PIBF1: variants seen among roughly 807,000 people sequenced by gnomAD.
PIBF1 encodes progesterone immunomodulatory binding factor 1, also known as progesterone-induced-blocking factor 1.
A neutral mutation model predicts 112.5 loss-of-function variants in PIBF1; 90 were observed. The ratio of observed to expected loss-of-function variants is 0.80; its 90% CI spans 0.67 to 0.95. PIBF1 has a LOEUF of 0.95. Among genes scored for constraint, PIBF1 ranks in the 40% least tolerant of loss-of-function variants. PIBF1 has a pLI of 0.00. For synonymous variants in PIBF1, 301 were observed against 288.6 expected (o/e 1.04, Z -0.44); for missense variants, 915 against 852.3 (o/e 1.07, Z -0.92).
At chr13:72,883,411 G>A (rs1200566735) in intron 10 of PIBF1, among the ~76,000 whole-genome samples, 1 of 152,104 alleles carries the variant, frequency 6.6e-6, no homozygotes, top group Non-Finnish European at 1.5e-5. Context: ...GATTTATTTG[G>A]AAGCACAACA....
At chr13:72,933,700 G>A (rs1409962673) in intron 14 of PIBF1, among the ~76,000 whole-genome samples, 4 of 152,090 alleles carry the variant, frequency 2.6e-5, no homozygotes, top group South Asian at 2.1e-4. Context: ...GTGAACACAC[G>A]TCTATAAATT....
chr13:72,900,099 A>G (rs112406802), intron 11 of PIBF1, among the ~76,000 whole-genome samples: 8 of 152,234 alleles, frequency 5.3e-5, no homozygotes, highest in African/African-American at 1.7e-4. Flanking sequence ...GAAAGAAATC[A>G]TAGATGACAC....
chr13:72,967,960 C>T (rs997768692), intron 15 of PIBF1, among the ~76,000 whole-genome samples: 10 of 151,890 alleles, frequency 6.6e-5, no homozygotes, highest in East Asian at 1.9e-4. Flanking sequence ...CCGAGGCGGG[C>T]GGATCACGAG....
At chr13:72,848,687 G>T (rs1344139269) in intron 9 of PIBF1, among the ~76,000 whole-genome samples, 1 of 152,060 alleles carries the variant, frequency 6.6e-6, no homozygotes, top group East Asian at 1.9e-4. Context: ...CAAAAAATTA[G>T]CCGGCATGGT....
chr13:72,961,589 T>G (rs2042609480), intron 14 of PIBF1, among the ~76,000 whole-genome samples: 1 of 152,278 alleles, frequency 6.6e-6, no homozygotes, highest in East Asian at 1.9e-4. Flanking sequence ...TATCGCCAAA[T>G]AGTATCTAAA....
intron 9 of PIBF1, among the ~76,000 whole-genome samples, chr13:72,849,756 C>G (rs1302198944): frequency 4.6e-5 from 7 of 152,198 alleles, no homozygotes; most frequent in African/African-American, 1.2e-4. Context: ...TAGTATGATT[C>G]ACAGCACAGA....
intron 9 of PIBF1, among the ~76,000 whole-genome samples, chr13:72,844,789 A>ACACACACGCACG: frequency 8.4e-6 from 1 of 119,562 alleles, no homozygotes; most frequent in African/African-American, 3.8e-5. Flanking sequence ...ACACACACAC[A>ACACACACGCACG]CACACACACA....
intron 15 of PIBF1, among the ~76,000 whole-genome samples, chr13:72,968,816 G>A (rs2042817375): frequency 6.6e-6 from 1 of 151,972 alleles, no homozygotes; most frequent in Non-Finnish European, 1.5e-5. Flanking sequence ...GATTGCCTGA[G>A]CCCAGGAGTT....
At chr13:72,965,947 A>G (rs1389878284) in intron 15 of PIBF1, among the ~76,000 whole-genome samples, 1 of 152,224 alleles carries the variant, frequency 6.6e-6, no homozygotes, top group Non-Finnish European at 1.5e-5. Flanking sequence ...TTATCCAAAA[A>G]AAATTTGCTA....
At chr13:72,819,679 A>G (rs2036452605) in intron 5 of PIBF1, among the ~76,000 whole-genome samples, 1 of 152,096 alleles carries the variant, frequency 6.6e-6, no homozygotes, top group Non-Finnish European at 1.5e-5. Flanking sequence ...TTAAGTCGAC[A>G]ATGTATATAA....
intron 14 of PIBF1, among the ~76,000 whole-genome samples, chr13:72,940,737 C>A (rs562727974): frequency 1.6e-4 from 24 of 152,250 alleles, no homozygotes; most frequent in South Asian, 8.3e-4. Flanking sequence ...CCAATTTCTC[C>A]CCCATTACTA....
At chr13:72,785,479 C>T (rs937042439) in intron 2 of PIBF1, among the ~76,000 whole-genome samples, 10 of 152,148 alleles carry the variant, frequency 6.6e-5, no homozygotes, top group Non-Finnish European at 1.0e-4. Flanking sequence ...TAATAGCATA[C>T]CCAAGGCCAT....
At chr13:72,887,263 A>T (rs1464899665) in intron 10 of PIBF1, among the ~76,000 whole-genome samples, 1 of 151,972 alleles carries the variant, frequency 6.6e-6, no homozygotes, top group East Asian at 1.9e-4. Context: ...AATCTCTAAG[A>T]TAACATTTTG....
In PIBF1 at chr13:72,888,764, G is replaced by A. The variant is rs1295278665; in HGVS notation, c.1323-5020G>A. Among the ~76,000 whole-genome samples, 8 of 146,862 alleles carry A rather than the reference G, an allele frequency of 5.4e-5. No homozygotes were observed. In the South Asian group the frequency reaches 1.5e-3, roughly 27 times the overall value. ...TTACAGAGAAGAATATGTGTGATAT[G>A]CCATTTGTTTAAAAAAAAAAAACTG... is the stretch of plus-strand genomic sequence containing the variant. On this transcript the variant is annotated intron_variant, in intron 10 of 17. Coordinates refer to ENST00000326291, the MANE Select transcript of PIBF1 (RefSeq NM_006346.4).
At chr13:72,928,613 T>C (rs2041609923) in intron 13 of PIBF1, among the ~76,000 whole-genome samples, 3 of 152,146 alleles carry the variant, frequency 2.0e-5, no homozygotes, top group Admixed American at 2.0e-4. Context: ...CTAATTTTTG[T>C]ATTTTTAGTA....
At chr13:72,839,734 T>A (rs543739938) in intron 9 of PIBF1, among the ~76,000 whole-genome samples, 230 of 151,842 alleles carry the variant, frequency 1.5e-3, no homozygotes, top group African/African-American at 4.8e-3. Context: ...TGCTGTTTTT[T>A]AAAAAAAAAT....
At chr13:72,979,343 A>G (rs1215288375) in intron 16 of PIBF1, among the ~76,000 whole-genome samples, 1 of 152,156 alleles carries the variant, frequency 6.6e-6, no homozygotes, top group African/African-American at 2.4e-5. Flanking sequence ...TGGAAATTCT[A>G]ATTCTGCTTT....
chr13:72,808,739 G>A (rs974432574), intron 5 of PIBF1, among the ~76,000 whole-genome samples: 3 of 152,076 alleles, frequency 2.0e-5, no homozygotes, highest in African/African-American at 7.2e-5. Context: ...CTCATTTAGA[G>A]CAGCTGCAGT....
At chr13:72,868,669 T>TCACCTCTTCATTATAGAAAC (rs1343496128) in intron 10 of PIBF1, among the ~76,000 whole-genome samples, 4 of 152,030 alleles carry the variant, frequency 2.6e-5, no homozygotes, top group African/African-American at 9.7e-5. Context: ...ATAACCAATA[T>TCACCTCTTCATTATAGAAAC]CACCTCTTCA....
Sources: allele counts gnomAD v4.1 joint callset (sites outside exome capture counted in the v4.1 genomes callset), GRCh38; gene constraint gnomAD v4.1.1; transcripts MANE v1.5; gene names NCBI Gene and HGNC (gene_info 2026-07-23, HGNC 2026-07-21).